The following ASTN2 variants were observed in gnomAD, a reference collection of about 807,000 sequenced individuals.
ASTN2 encodes astrotactin-2.
ASTN2 carries 54 observed loss-of-function variants against 139.8 expected under a neutral mutation model. The ratio of observed to expected loss-of-function variants is 0.39; its 90% confidence interval spans 0.31 to 0.48. ASTN2 has a LOEUF of 0.48. Ranked by LOEUF, ASTN2 falls within the 20% of genes least tolerant of loss-of-function variation. The pLI is 0.95. For synonymous variants in ASTN2, 756 were observed against 719.5 expected, an observed-to-expected ratio of 1.05 and a Z score of -0.81; for missense variants, 1,565 against 1,725.1, an observed-to-expected ratio of 0.91 and a Z score of 1.64.
intron 16 of ASTN2, among the ~76,000 whole-genome samples, chr9:116,702,780 T>A (rs60059169): frequency 0.081 from 12,293 of 152,132 alleles, 520 homozygotes; most frequent in East Asian, 0.14. Flanking sequence ...TCTGAGTGGT[T>A]ACATAGAATT....
rs1209028202 is a variant in ASTN2 at position 116,423,682 on chromosome 9, A to G, written c.*2169T>C. On this transcript the variant is annotated 3_prime_UTR_variant, in exon 23 of 23. Coordinates refer to ENST00000313400, the MANE Select transcript of ASTN2 (RefSeq NM_001365068.1). ...ACCCAATAATAGTAAACTTCCTGAA[A>G]GAGTGCCTTAGAGCTTAGATTGTGA... Among the ~76,000 whole-genome samples, 1 of 152,194 alleles carries G rather than the reference A, an allele frequency of 6.6e-6. No individual in the cohort carries two copies. The highest frequency in any genetic ancestry group is 1.9e-4 in the East Asian group (1 of 5,192).
At chr9:116,765,204 A>G (rs1195489349) in intron 13 of ASTN2, among the ~76,000 whole-genome samples, 1 of 152,134 alleles carries the variant, frequency 6.6e-6, no homozygotes, top group East Asian at 1.9e-4. Flanking sequence ...CAGCCTAATG[A>G]ACCTTTCCTT....
intron 5 of ASTN2, among the ~76,000 whole-genome samples, chr9:117,061,650 C>A (rs535598981): frequency 6.6e-6 from 1 of 152,060 alleles, no homozygotes; most frequent in Non-Finnish European, 1.5e-5. Flanking sequence ...AACAAATGCA[C>A]AATATCTTTG....
chr9:117,282,063 T>C (rs1834338312), intron 2 of ASTN2, among the ~76,000 whole-genome samples: 1 of 152,204 alleles, frequency 6.6e-6, no homozygotes, highest in Admixed American at 6.5e-5. Context: ...TTATTCTCTG[T>C]TTCATTTTCC....
At chr9:117,219,750 C>T (rs1184746502) in intron 2 of ASTN2, among the ~76,000 whole-genome samples, 2 of 152,184 alleles carry the variant, frequency 1.3e-5, no homozygotes, top group African/African-American at 4.8e-5. Context: ...AAAGAAAGTG[C>T]ACCCCTATCC....
At position 117,414,587 on chromosome 9, in the gene ASTN2, G is replaced by A. The variant is rs750200891; in HGVS notation, c.352C>T (p.Arg118Cys). ...PGSAGTAAES[R>C]LLLFVRNELP... is the part of the protein sequence containing the mutation. Reference sequence around the variant, plus strand: ...TCGTTACGCACAAAGAGCAGGAGGCGCGACTCGGCGGCGGTGCCGGCAGAG... The same window carrying A: ...TCGTTACGCACAAAGAGCAGGAGGCACGACTCGGCGGCGGTGCCGGCAGAG... The change falls in exon 1 of 23, where the codon CGC (arginine) becomes TGC (cysteine). Residue 118 changes from arginine to cysteine, a missense_variant. Physicochemically the swap from Arg to Cys is radical, Grantham distance 180. Coordinates refer to ENST00000313400, the MANE Select transcript of ASTN2 (RefSeq NM_001365068.1). This position sits in a 1 kb window ranked among gnomAD's most constrained non-coding sequence, Gnocchi z 4.2. The A allele has an allele frequency of 6.3e-6, 10 of 1,579,696 alleles. No homozygotes were observed. The East Asian group carries it at 2.2e-4, about 35-fold the overall frequency.
rs564946132 is a variant in ASTN2, at chr9:117,217,092, C to T, written c.631-2350G>A. ...CATTTCACAGCCCTTGGTTACTGAACGGCAATTCTCACTGACTAAAGAGAG... is the reference window on the plus strand; with the variant it reads ...CATTTCACAGCCCTTGGTTACTGAATGGCAATTCTCACTGACTAAAGAGAG... On this transcript the variant is annotated intron_variant, in intron 2 of 22. Coordinates refer to ENST00000313400, the MANE Select transcript of ASTN2 (RefSeq NM_001365068.1). Among the ~76,000 whole-genome samples the T allele has an allele frequency of 5.3e-5, 8 of 152,008 alleles. No homozygotes were observed. The South Asian group carries it at 1.0e-3, about 20-fold the overall frequency.
chr9:116,658,474 G>A (rs1408714744), intron 16 of ASTN2, among the ~76,000 whole-genome samples: 3 of 152,140 alleles, frequency 2.0e-5, no homozygotes, highest in Non-Finnish European at 4.4e-5. Flanking sequence ...ACAGAGTGAT[G>A]GGTCCCCCAC....
At position 117,307,756 on chromosome 9, in the gene ASTN2, G is replaced by T. The variant is rs566738090; in HGVS notation, c.443-16243C>A. Among the ~76,000 whole-genome samples the T allele has an allele frequency of 2.0e-5, 3 of 152,300 alleles. No individual in the cohort carries two copies. In the East Asian group the frequency reaches 5.8e-4, roughly 29 times the overall value. The stretch of plus-strand genomic sequence containing the variant: ...CCCAAGGGCATACCCAAGCCCTCAT[G>T]TGTGTCCTCAAATACATGGGTACAT... On this transcript the variant is annotated intron_variant, in intron 1 of 22. Transcript: ENST00000313400.
At chr9:117,156,500 G>T (rs1334304902) in intron 3 of ASTN2, among the ~76,000 whole-genome samples, 3 of 151,984 alleles carry the variant, frequency 2.0e-5, no homozygotes, top group Non-Finnish European at 4.4e-5. Context: ...TTAGACTCTA[G>T]CAGCCCTCTC....
chr9:117,205,465 A>T (rs1203930468), intron 3 of ASTN2, among the ~76,000 whole-genome samples: 1 of 152,186 alleles, frequency 6.6e-6, no homozygotes, highest in African/African-American at 2.4e-5. Context: ...CCAAGATCAC[A>T]CTATAAGTAA....
intron 2 of ASTN2, among the ~76,000 whole-genome samples, chr9:117,215,705 A>G (rs1302757192): frequency 6.6e-6 from 1 of 152,094 alleles, no homozygotes; most frequent in Non-Finnish European, 1.5e-5. Context: ...GAGGGTTTGC[A>G]TTCTCCAGGC....
At chr9:117,297,399 G>C (rs1397836880) in intron 1 of ASTN2, among the ~76,000 whole-genome samples, 2 of 152,126 alleles carry the variant, frequency 1.3e-5, no homozygotes, top group African/African-American at 2.4e-5. Context: ...AGTGAGCCTG[G>C]GAAATAATCG....
intron 1 of ASTN2, among the ~76,000 whole-genome samples, chr9:117,398,138 G>T (rs933985835): frequency 1.1e-4 from 17 of 152,132 alleles, no homozygotes; most frequent in African/African-American, 4.1e-4. Context: ...AATAAAAAAA[G>T]AAAATTCCCT....
chr9:117,411,004 T>C (rs1017336893), intron 1 of ASTN2, among the ~76,000 whole-genome samples: 1 of 152,206 alleles, frequency 6.6e-6, no homozygotes, highest in Non-Finnish European at 1.5e-5. Context: ...ATAACCTGCA[T>C]AAACTTCATA....
At chr9:116,911,451 T>C (rs1002897311) in intron 10 of ASTN2, among the ~76,000 whole-genome samples, 6 of 152,124 alleles carry the variant, frequency 3.9e-5, no homozygotes, top group Non-Finnish European at 7.4e-5. Flanking sequence ...GTAAAAGTAA[T>C]TATAGTATCT....
intron 3 of ASTN2, among the ~76,000 whole-genome samples, chr9:117,169,209 A>C (rs199623624): frequency 1.1e-3 from 4 of 3,664 alleles, no homozygotes; most frequent in Non-Finnish European, 1.7e-3. Context: ...GAAGAAAAAG[A>C]AAAAAAAAAA....
intron 2 of ASTN2, among the ~76,000 whole-genome samples, chr9:117,235,049 C>A (rs1833005365): frequency 6.6e-6 from 1 of 152,114 alleles, no homozygotes; most frequent in South Asian, 2.1e-4. Flanking sequence ...GCCTGGCCAA[C>A]ATGGTGAAAC....
intron 1 of ASTN2, among the ~76,000 whole-genome samples, chr9:117,413,274 A>T (rs1467434754): frequency 1.3e-5 from 2 of 152,260 alleles, no homozygotes; most frequent in Non-Finnish European, 2.9e-5. Context: ...TCAGGCGAGC[A>T]AGGAGTTAAC....
Sources: gnomAD v4.1 joint callset for allele counts (sites outside exome capture counted in the v4.1 genomes callset) on GRCh38, gnomAD v4.1.1 for gene constraint, Gnocchi (gnomAD v3.1) non-coding constraint, MANE v1.5 for transcripts, NCBI Gene and HGNC (gene_info 2026-07-23, HGNC 2026-07-21) for gene names.